FAM217A: variants seen among roughly 807,000 people sequenced by gnomAD.
The protein encoded by FAM217A is family with sequence similarity 217 member A, also known as protein FAM217A.
In FAM217A, 13 loss-of-function variants were observed where a neutral mutation model predicts 18.5. That is an observed-to-expected ratio of 0.70 (90% CI 0.46 to 1.12). The LOEUF is 1.12. FAM217A is among the 50% of genes most tolerant of loss of function. FAM217A has a pLI of 0.00. For synonymous variants in FAM217A, 161 were observed against 202.8 expected (o/e 0.79, Z 1.75); for missense variants, 560 against 575.4 (o/e 0.97, Z 0.27).
chr6:4,074,781 C>A, intron 2 of FAM217A, 120 bp from the exon 3 acceptor site: 1 of 696,348 alleles, frequency 1.4e-6, no homozygotes, highest in Non-Finnish European at 2.5e-6. Flanking sequence ...ACTCTCACCC[C>A]TCATTATAAA....
rs773310925 is a variant in FAM217A, at chr6:4,077,468, G to T, written c.-34-20C>A. ...AAAATCCTACACAGATTGCGGGATA[G>T]GCACATTTATGGGTAAGGGTCAACA... On this transcript the variant is annotated intron_variant, in intron 1 of 6. Coordinates refer to ENST00000274673, the MANE Select transcript of FAM217A (RefSeq NM_173563.3). The T allele has an allele frequency of 6.3e-7, 1 of 1,578,660 alleles. No individual in the cohort carries two copies. The highest frequency in any genetic ancestry group is 1.1e-5 in the South Asian group (1 of 90,334).
chr6:4,079,918 G>A (rs545085595), upstream of FAM217A, among the ~76,000 whole-genome samples: 13 of 152,008 alleles, frequency 8.6e-5, no homozygotes, highest in African/African-American at 2.9e-4. Context: ...ACCCCGAAAT[G>A]CATATCTCCT....
chr6:4,080,350 C>T (rs1266617296), upstream of FAM217A, among the ~76,000 whole-genome samples: 2 of 152,132 alleles, frequency 1.3e-5, no homozygotes, highest in Non-Finnish European at 1.5e-5. Context: ...TTGCTGTTTA[C>T]TTGTTTGTTT....
In FAM217A at chr6:4,069,508, T is replaced by G; in HGVS notation, c.715A>C (p.Thr239Pro). The stretch of plus-strand genomic sequence containing the variant: ...GGAAATACTTCATTTGGCTCCTCGG[T>G]GAAAGGTTCCTCAACATTTTTTATT... ...ETIKNVEEPFTEEPNEVFPYP... is the reference protein window; with the variant it reads ...ETIKNVEEPFPEEPNEVFPYP... The change falls in exon 7 of 7, where the codon ACC becomes CCC. Residue 239 changes from threonine to proline, a missense_variant. Physicochemically the swap from Thr to Pro is conservative, Grantham distance 38 (BLOSUM62 -1). Transcript: ENST00000274673. 1 of 1,614,204 alleles carries G rather than the reference T, an allele frequency of 6.2e-7. No homozygotes were observed. The highest frequency in any genetic ancestry group is 8.5e-7 in the Non-Finnish European group (1 of 1,180,024).
chr6:4,083,557 C>G (rs679337), upstream of FAM217A, among the ~76,000 whole-genome samples: 55,117 of 139,796 alleles, frequency 0.39, 12,388 homozygotes, highest in African/African-American at 0.67. Context: ...CTTTTCTTTT[C>G]TTTTTTTTTT....
Position 4,068,796 on chromosome 6 carries a change from T to C in FAM217A, c.1427A>G (p.Asn476Ser), listed in dbSNP as rs751049253. The change falls in exon 7 of 7, where the codon AAT becomes AGT. Residue 476 changes from asparagine to serine, a missense_variant. Asn to Ser is a conservative substitution (Grantham distance 46). Coordinates refer to ENST00000274673, the MANE Select transcript of FAM217A (RefSeq NM_173563.3). The part of the protein sequence containing the change: ...FGTKKKLYRQ[N>S]IVLNRPFSIQ... ...AGAGAATGGTCTATTCAACACTATA[T>C]TTTGTCGGTAAAGTTTCTTTTTGGT... 2 of 1,614,130 alleles carry C rather than the reference T, an allele frequency of 1.2e-6. No individual in the cohort carries two copies. Among genetic ancestry groups the C allele is most frequent in the South Asian group, 2.2e-5 (2 of 91,078 alleles).
chr6:4,078,122 C>T (rs977559063), intron 1 of FAM217A, among the ~76,000 whole-genome samples: 1 of 146,328 alleles, frequency 6.8e-6, no homozygotes, highest in Non-Finnish European at 1.5e-5. Flanking sequence ...GGCGCGATCT[C>T]GGTTCACTGC....
In FAM217A at chr6:4,069,139, G is replaced by T. The variant is rs1769219412; in HGVS notation, c.1084C>A (p.Leu362Ile). ...TTCCGTTTTAAAGCATTTTGTTCAA[G>T]CTTACAAGAACCAGAGTTGTTTTTA... ...KSKNNSGSCK[L>I]EQNALKRNWS... The change falls in exon 7 of 7, where the codon CTT becomes ATT. Residue 362 changes from leucine to isoleucine, a missense_variant. Physicochemically the swap from Leu to Ile is conservative, Grantham distance 5 (BLOSUM62 2). Transcript: ENST00000274673. The T allele has an allele frequency of 6.2e-7, 1 of 1,613,984 alleles. No individual in the cohort carries two copies. Among genetic ancestry groups the T allele is most frequent in the Non-Finnish European group, 8.5e-7 (1 of 1,180,020 alleles).
In FAM217A at chr6:4,078,845, A is replaced by T; in HGVS notation, c.-35+7T>A. 2.2e-6 allele frequency: 1 copy of T among 462,568 alleles called. No individual in the cohort carries two copies. The highest frequency in any genetic ancestry group is 3.6e-5 in the South Asian group (1 of 27,406). 28.7% of individuals were successfully genotyped at this position (462,568 alleles called of 1,614,324 possible). ...GGGATTCCCCGGGGCCGGGGCTCTC[A>T]ACCCACCGCGCGAAGGCCCACGTGT... On this transcript the variant is annotated splice_region_variant and intron_variant, in intron 1 of 6. Coordinates refer to ENST00000274673, the MANE Select transcript of FAM217A (RefSeq NM_173563.3).
chr6:4,079,224 G>A (rs1159002206), upstream of FAM217A: 2 of 238,042 alleles, frequency 8.4e-6, no homozygotes, highest in Non-Finnish European at 1.6e-5. Context: ...CGCGGGCCGC[G>A]GGGTCGCCGC....
At chr6:4,084,555 A>G (rs1279586602) in intron 2 of FAM217A, 3 of 700,618 alleles carry the variant, frequency 4.3e-6, no homozygotes, top group Admixed American at 4.0e-5. Context: ...AATTTTGGTT[A>G]AAGTCTCAGT....
Position 4,077,568 on chromosome 6 carries a change from G to T in FAM217A, c.-34-120C>A, listed in dbSNP as rs1314987920. 6 of 834,014 alleles carry T rather than the reference G, an allele frequency of 7.2e-6. No homozygotes were observed. The Admixed American group carries it at 1.2e-4, about 17-fold the overall frequency. The allele number at this position is 834,014 out of a possible 1,614,324, so 51.7% of individuals were successfully genotyped here. A position where few individuals can be genotyped will look rare whatever the true frequency, so the allele number is the denominator to read the frequency against. On this transcript the variant is annotated intron_variant, in intron 1 of 6. Transcript: ENST00000274673. ...GAGAATGCTTAGAAAGCAGAAGAGA[G>T]GGGCTAGGAGAGCAGGGTGGGGGTG...
At chr6:4,087,130 T>C (rs1770720038), upstream of FAM217A, 1 of 410,640 alleles carries the variant, frequency 2.4e-6, no homozygotes. Flanking sequence ...GAGCCTTAAT[T>C]AGGTACATAC....
At chr6:4,073,197 G>T in intron 6 of FAM217A, 78 bp downstream of exon 6, 13 of 1,111,030 alleles carry the variant, frequency 1.2e-5, no homozygotes, top group Non-Finnish European at 1.6e-5. Flanking sequence ...CATGGTCCTT[G>T]TATTTCAAAT....
At chr6:4,070,864 C>T (rs1488784581) in intron 6 of FAM217A, among the ~76,000 whole-genome samples, 1 of 152,026 alleles carries the variant, frequency 6.6e-6, no homozygotes, top group Non-Finnish European at 1.5e-5. Flanking sequence ...GGCATGGAGG[C>T]ATGCACCTGT....
At position 4,085,311 on chromosome 6, in the gene FAM217A, A is replaced by AAAAATATATATAT. The variant is rs377046907; in HGVS notation, c.19-502_19-501insATATATATATTTT. 3.2e-3 allele frequency among the ~76,000 whole-genome samples: 470 copies of AAAAATATATATAT among 146,416 alleles called. 1 individual carries two copies. The highest frequency in any genetic ancestry group is 0.011 in the African/African-American group (436 of 40,284). On this transcript the variant is annotated intron_variant, in intron 1 of 8. Transcript: ENST00000639338. ...AGAAGTGTTATTCATTGTAAAAAAAAATATATATATATATATAAAATATGT... is the reference window on the plus strand; with the variant it reads ...AGAAGTGTTATTCATTGTAAAAAAAAAAAATATATATATATATATATATATATATAAAATATGT...
At chr6:4,071,069 G>C (rs753029527) in intron 6 of FAM217A, among the ~76,000 whole-genome samples, 10 of 152,038 alleles carry the variant, frequency 6.6e-5, no homozygotes, top group South Asian at 2.1e-4. Context: ...CTTTGCCTTT[G>C]AAAAACCACA....
chr6:4,077,394 G>T lies in FAM217A; in HGVS notation c.21C>A (p.Asn7Lys), dbSNP rs1438183245. The T allele has an allele frequency of 6.2e-7, 1 of 1,614,044 alleles. No individual in the cohort carries two copies. The highest frequency in any genetic ancestry group is 1.6e-4 in the Middle Eastern group (1 of 6,084). Residue 7 changes from asparagine (N) to lysine (K), a missense_variant, in exon 2 of 7, where the codon AAC becomes AAA. Transcript: ENST00000274673. ...TTGACACACGTAGGCTGTTAGCACA[G>T]TTCTCATTTCTTCTCCCCATTTTGT... is the stretch of plus-strand genomic sequence containing the variant. The part of the protein sequence containing the change: MGRRNE[N>K]CANSLRVSNI...
chr6:4,069,880 T>C lies in FAM217A; in HGVS notation c.343A>G (p.Ile115Val), dbSNP rs764800325. 32 of 1,600,030 alleles carry C rather than the reference T, an allele frequency of 2.0e-5. No individual in the cohort carries two copies. Among genetic ancestry groups the C allele is most frequent in the Non-Finnish European group, 2.4e-5 (28 of 1,174,280 alleles). The change falls in exon 7 of 7, where the codon ATC becomes GTC. Residue 115 changes from isoleucine to valine, a missense_variant. Transcript: ENST00000274673. ...GTGAAGACCCTTATAGGATGATTGA[T>C]TACATTAAAGCCAGTTTCCACTGAA... is the stretch of plus-strand genomic sequence containing the variant. ...KSSVETGFNV[I>V]NHPIRVFTLN... is the part of the protein sequence containing the mutation.
Sources: allele counts gnomAD v4.1 joint callset (sites outside exome capture counted in the v4.1 genomes callset), GRCh38; gene constraint gnomAD v4.1.1; transcripts MANE v1.5; gene names NCBI Gene and HGNC (gene_info 2026-07-23, HGNC 2026-07-21).